SLC4A1: variants seen among roughly 807,000 people sequenced by gnomAD.
The protein encoded by SLC4A1 is solute carrier family 4 member 1 (Diego blood group).
In SLC4A1, 29 loss-of-function variants were observed where a neutral mutation model predicts 93.1. That is an observed-to-expected ratio of 0.31 (90% CI 0.23 to 0.42). The LOEUF is 0.42. SLC4A1 is among the 20% of genes least tolerant of loss of function. SLC4A1 has a pLI of 1.00. For synonymous variants in SLC4A1, 469 were observed against 497.2 expected (o/e 0.94, Z 0.76); for missense variants, 965 against 1,190.1 (o/e 0.81, Z 2.78).
chr17:44,263,364 T>A (rs1294604998), intron 1 of SLC4A1, among the ~76,000 whole-genome samples: 1 of 152,142 alleles, frequency 6.6e-6, no homozygotes, highest in East Asian at 1.9e-4. Context: ...CAGAAATAGC[T>A]GCTGCCCACC....
rs370089486 is a variant in SLC4A1, at chr17:44,257,779, C to T, written c.1311G>A (p.Val437=). The change falls in exon 12 of 20, where the codon GTG becomes GTA. Residue 437 remains valine, a synonymous_variant. Coordinates refer to ENST00000262418, the MANE Select transcript of SLC4A1 (RefSeq NM_000342.4). The part of the protein sequence containing the change: ...LGEKTRNQMG[V]SELLISTAVQ... ...CTGCAGTGGAGATCAGCAGCTCCGA[C>T]ACTCCCATCTGGTTCCGGGTCTTTT... 1.4e-5 allele frequency: 22 copies of T among 1,613,842 alleles called. No individual in the cohort carries two copies. The highest frequency in any genetic ancestry group is 2.7e-5 in the African/African-American group (2 of 74,912).
rs745505408 is a variant in SLC4A1 at position 44,253,348 on chromosome 17, C to T, written c.2081G>A (p.Arg694His). ...ITTLIVSKPERKMVKGSGFHL... is the reference protein window; with the variant it reads ...ITTLIVSKPEHKMVKGSGFHL... Reference sequence around the variant, plus strand: ...GAAGCCGGAGCCCTTGACCATCTTGCGCTCAGGTTTGCTGACAATCAGCCT... The same window carrying T: ...GAAGCCGGAGCCCTTGACCATCTTGTGCTCAGGTTTGCTGACAATCAGCCT... Residue 694 changes from arginine (R) to histidine (H), a missense_variant, in exon 17 of 20, where the codon CGC becomes CAC. Arg to His is a conservative substitution (Grantham distance 29). Transcript: ENST00000262418. The T allele has an allele frequency of 2.4e-5, 38 of 1,612,766 alleles. No homozygotes were observed. The highest frequency in any genetic ancestry group is 3.1e-5 in the Non-Finnish European group (37 of 1,179,074).
intron 1 of SLC4A1, among the ~76,000 whole-genome samples, chr17:44,265,599 C>T (rs1052143612): frequency 6.6e-6 from 1 of 152,232 alleles, no homozygotes; most frequent in Non-Finnish European, 1.5e-5. Context: ...TCTCAATCTC[C>T]TGACCTCGTG....
rs2047402609 is a variant in SLC4A1 at position 44,257,746 on chromosome 17, G to A, written c.1344C>T (p.Gly448=). 6.2e-7 allele frequency: 1 copy of A among 1,614,020 alleles called. No homozygotes were observed. The highest frequency in any genetic ancestry group is 8.5e-7 in the Non-Finnish European group (1 of 1,179,998). The change falls in exon 12 of 20, where the codon GGC becomes GGT. Residue 448 remains glycine, a synonymous_variant. Transcript: ENST00000262418. ...GAGCCCCCAGCAGGGCGAAGAGAAT[G>A]CCCTGCACTGCAGTGGAGATCAGCA... ...SELLISTAVQ[G]ILFALLGAQP...
rs2047371081 is a variant in SLC4A1, at chr17:44,254,495, C to T, written c.2057+1G>A. 1 of 1,509,870 alleles carries T rather than the reference C, an allele frequency of 6.6e-7. No homozygotes were observed. Among genetic ancestry groups the T allele is most frequent in the Non-Finnish European group, 9.1e-7 (1 of 1,102,108 alleles). The allele number at this position is 1,509,870 out of a possible 1,614,324, so 93.5% of individuals were successfully genotyped here. ...GGCCCAGCCCCCACCCTGTCTCTCA[C>T]GTGGTGATCTGAGACTCCAGGAATA... On this transcript the variant is annotated splice_donor_variant, in intron 16 of 19. Transcript: ENST00000262418. LOFTEE classifies it high-confidence loss of function.
In SLC4A1 at chr17:44,255,938, A is replaced by G. The variant is rs146707291; in HGVS notation, c.1627-92T>C. ...CTAACTCTACCCAGCACTACTATCC[A>G]TTCATCCAGTCATCTATTAATTCAT... On this transcript the variant is annotated intron_variant, in intron 13 of 19. Coordinates refer to ENST00000262418, the MANE Select transcript of SLC4A1 (RefSeq NM_000342.4). The G allele has an allele frequency of 5.5e-4, 622 of 1,139,590 alleles. 1 individual carries two copies. The highest frequency in any genetic ancestry group is 3.7e-3 in the Middle Eastern group (19 of 5,124). The allele number at this position is 1,139,590 out of a possible 1,614,324, so 70.6% of individuals were successfully genotyped here. A position where few individuals can be genotyped will look rare whatever the true frequency, so the allele number is the denominator to read the frequency against.
At chr17:44,262,962 G>A in intron 1 of SLC4A1, 28 bp from the exon 2 acceptor site, 12 of 1,597,232 alleles carry the variant, frequency 7.5e-6, no homozygotes, top group African/African-American at 1.3e-5. Context: ...GGCTGAGTGG[G>A]GCACAGGGCA....
rs767916903 is a variant in SLC4A1 at position 44,258,469 on chromosome 17, C to T, written c.1031G>A (p.Arg344Gln). The T allele has an allele frequency of 8.1e-5, 130 of 1,613,852 alleles. No homozygotes were observed. Among genetic ancestry groups the T allele is most frequent in the Non-Finnish European group, 9.5e-5 (112 of 1,180,000 alleles). Residue 344 changes from arginine (R) to glutamine (Q), a missense_variant, in exon 10 of 20, where the codon CGA becomes CAA. Around this residue, in one of 2 missense-constraint regions of SLC4A1, gnomAD observed 770 missense variants for 1,006.6 expected, o/e 0.76. Coordinates refer to ENST00000262418, the MANE Select transcript of SLC4A1 (RefSeq NM_000342.4). This position sits in a 1 kb window ranked among gnomAD's most constrained non-coding sequence, Gnocchi z 6.1. The stretch of plus-strand genomic sequence containing the variant: ...GGCAGGGCTGGACTGATAGCGCCTT[C>T]GAAGTAGCTCCCTCTGCACAGGCAC... ...SLVPVQRELL[R>Q]RRYQSSPAKP...
In SLC4A1 at chr17:44,259,693, C is replaced by A. The variant is rs190129338; in HGVS notation, c.610-112G>T. On this transcript the variant is annotated intron_variant, in intron 7 of 19. Transcript: ENST00000262418. The stretch of plus-strand genomic sequence containing the variant: ...CAACTCTCCTGGCACCCCCCGGGCA[C>A]AGGAGTGCTTCTGGTCCCCTGCTTG... 2.2e-5 allele frequency: 34 copies of A among 1,554,400 alleles called. No individual in the cohort carries two copies. In the East Asian group the frequency reaches 7.0e-4, roughly 32 times the overall value.
At position 44,258,177 on chromosome 17, in the gene SLC4A1, A is replaced by G. The variant is rs765912543; in HGVS notation, c.1091T>C (p.Leu364Ser). The stretch of plus-strand genomic sequence containing the variant: ...CAGAGGGTCATCTGGGCCCCCATTT[A>G]AGTCTGTGGTGGAGGATAAGAGCAT... ...PDSSFYKGLDLNGGPDDPLQQ... is the reference protein window; with the variant it reads ...PDSSFYKGLDSNGGPDDPLQQ... The change falls in exon 11 of 20, where the codon TTA becomes TCA. Residue 364 changes from leucine to serine, a missense_variant. Around this residue, in one of 2 missense-constraint regions of SLC4A1, gnomAD observed 770 missense variants for 1,006.6 expected, o/e 0.76. Transcript: ENST00000262418. The surrounding 1 kb of genome is among the most constrained non-coding windows in gnomAD (Gnocchi z 6.1). The G allele has an allele frequency of 1.9e-6, 3 of 1,613,768 alleles. No homozygotes were observed. Among genetic ancestry groups the G allele is most frequent in the Non-Finnish European group, 2.5e-6 (3 of 1,179,916 alleles).
In SLC4A1 at chr17:44,250,618, C is replaced by T; in HGVS notation, c.2656-80G>A. 6 of 1,093,290 alleles carry T rather than the reference C, an allele frequency of 5.5e-6. No homozygotes were observed. The Admixed American group carries it at 1.1e-4, about 20-fold the overall frequency. 67.7% of individuals were successfully genotyped at this position (1,093,290 alleles called of 1,614,324 possible). On this transcript the variant is annotated intron_variant, in intron 19 of 19. Transcript: ENST00000262418. ...CCCTCCCCGGGCACGAAAGGCACCT[C>T]TGGAGTTAGGAGAGGGTCTGGCTGT...
rs1598294581 is a variant in SLC4A1 at position 44,250,242 on chromosome 17, A to AT, written c.*215dup. On this transcript the variant is annotated 3_prime_UTR_variant, in exon 20 of 20. Coordinates refer to ENST00000262418, the MANE Select transcript of SLC4A1 (RefSeq NM_000342.4). ...GAGGGACTGTGCAACAAACCCCCTA[A>AT]TGTGGGCCCCATCGGCCATCCCCAG... The AT allele has an allele frequency of 1.8e-6, 1 of 558,342 alleles. No individual in the cohort carries two copies. The highest frequency in any genetic ancestry group is 1.9e-5 in the African/African-American group (1 of 52,984). The allele number at this position is 558,342 out of a possible 1,614,324, so 34.6% of individuals were successfully genotyped here.
chr17:44,258,226 G>C lies in SLC4A1; in HGVS notation c.1088-46C>G. The C allele has an allele frequency of 6.3e-7, 1 of 1,585,014 alleles. No homozygotes were observed. Among genetic ancestry groups the C allele is most frequent in the Non-Finnish European group, 8.7e-7 (1 of 1,154,606 alleles). On this transcript the variant is annotated intron_variant, in intron 10 of 19. Coordinates refer to ENST00000262418, the MANE Select transcript of SLC4A1 (RefSeq NM_000342.4). This position sits in a 1 kb window ranked among gnomAD's most constrained non-coding sequence, Gnocchi z 6.1. ...ATGGTCAGAGGGAGTAGCTGGAGGAGGTGAGGGGAAAGGGGACTGGAGGGT... is the reference window on the plus strand; with the variant it reads ...ATGGTCAGAGGGAGTAGCTGGAGGACGTGAGGGGAAAGGGGACTGGAGGGT...
chr17:44,255,419 C>A, intron 14 of SLC4A1, 123 bp from the exon 15 acceptor site: 1 of 781,546 alleles, frequency 1.3e-6, no homozygotes, highest in South Asian at 1.6e-5. Flanking sequence ...ATCTAATGCC[C>A]TGTCCTGCAC....
chr17:44,257,268 A>G, intron 13 of SLC4A1, 82 bp downstream of exon 13: 2 of 1,381,570 alleles, frequency 1.4e-6, no homozygotes, highest in Non-Finnish European at 2.1e-6. Flanking sequence ...CTGAGATTAC[A>G]GGCCTGAGCC....
intron 17 of SLC4A1, 95 bp from the exon 18 acceptor site, chr17:44,251,683 G>C: frequency 1.0e-6 from 1 of 957,334 alleles, no homozygotes; most frequent in East Asian, 2.5e-5. Flanking sequence ...TAAAACACAG[G>C]CACCATATGG....
At chr17:44,259,138 C>G (rs1184515959) in intron 9 of SLC4A1, 25 bp downstream of exon 9, 1 of 1,612,836 alleles carries the variant, frequency 6.2e-7, no homozygotes, top group Non-Finnish European at 8.5e-7. Context: ...CTTCCCCAGC[C>G]CAGCCCTCTC....
At position 44,262,349 on chromosome 17, in the gene SLC4A1, G is replaced by A. The variant is rs564504622; in HGVS notation, c.106+287C>T. On this transcript the variant is annotated intron_variant, in intron 3 of 19. Transcript: ENST00000262418. ...ATTTTCTGGCCTGGAAGCTGGCATT[G>A]GATGGGCACAGATGGCATGTGGGCT... Among the ~76,000 whole-genome samples the A allele has an allele frequency of 3.9e-5, 6 of 152,374 alleles. No homozygotes were observed. The East Asian group carries it at 9.6e-4, about 24-fold the overall frequency.
At chr17:44,253,765 G>A (rs960321223) in intron 16 of SLC4A1, among the ~76,000 whole-genome samples, 1 of 151,792 alleles carries the variant, frequency 6.6e-6, no homozygotes, top group Non-Finnish European at 1.5e-5. Flanking sequence ...TCTGCCTCCC[G>A]GGTTCAAGTG....
Sources: gnomAD v4.1 joint callset for allele counts (sites outside exome capture counted in the v4.1 genomes callset) on GRCh38, gnomAD v4.1.1 for gene constraint, gnomAD v4.1.1 regional missense constraint, Gnocchi (gnomAD v3.1) non-coding constraint, MANE v1.5 for transcripts, NCBI Gene and HGNC (gene_info 2026-07-23, HGNC 2026-07-21) for gene names.